Variants in SPOCK3 observed in about 807,000 individuals in gnomAD.
SPOCK3 encodes the protein testican-3.
In SPOCK3, 30 loss-of-function variants were observed where a neutral mutation model predicts 56.6. The observed-to-expected ratio is 0.53, with a 90% confidence interval of 0.40 to 0.72. SPOCK3 has a LOEUF of 0.72. Among genes scored for constraint, SPOCK3 ranks in the 30% least tolerant of loss-of-function variants. The probability of loss-of-function intolerance (pLI) is 0.00; values close to 1 mark genes in which losing one functional copy is unlikely to be tolerated. For synonymous variants in SPOCK3, 196 were observed against 183.3 expected (o/e 1.07, Z -0.56); for missense variants, 527 against 530.0 (o/e 0.99, Z 0.06).
chr4:166,812,353 C>T (rs991024271), intron 6 of SPOCK3, among the ~76,000 whole-genome samples: 5 of 151,716 alleles, frequency 3.3e-5, no homozygotes, highest in South Asian at 2.1e-4. Flanking sequence ...AAACTATAAT[C>T]GGGCTTATAT....
intron 2 of SPOCK3, among the ~76,000 whole-genome samples, chr4:167,128,303 T>G (rs531491668): frequency 1.3e-5 from 2 of 152,314 alleles, no homozygotes; most frequent in South Asian, 4.1e-4. Flanking sequence ...GTTCTTTTAT[T>G]GCCAAACAAA....
chr4:166,879,025 A>G (rs193291274), intron 6 of SPOCK3, among the ~76,000 whole-genome samples: 34 of 152,304 alleles, frequency 2.2e-4, no homozygotes, highest in Admixed American at 1.6e-3. Context: ...ATGGCTATGG[A>G]TTTATGTTTA....
intron 2 of SPOCK3, among the ~76,000 whole-genome samples, chr4:167,178,897 T>C (rs972682275): frequency 7.9e-5 from 12 of 152,156 alleles, no homozygotes; most frequent in Non-Finnish European, 1.2e-4. Flanking sequence ...GAGAATTGTT[T>C]AATTGGTTTT....
At chr4:167,062,634 A>G in intron 2 of SPOCK3, 97 bp from the exon 3 acceptor site, 1 of 873,978 alleles carries the variant, frequency 1.1e-6, no homozygotes, top group Non-Finnish European at 1.8e-6. Flanking sequence ...CAGAAGCTGT[A>G]TACAAACCTC....
intron 10 of SPOCK3, among the ~76,000 whole-genome samples, chr4:166,735,398 G>T (rs1451859060): frequency 3.3e-5 from 5 of 151,942 alleles, no homozygotes; most frequent in South Asian, 2.1e-4. Flanking sequence ...ATTTTGCAAA[G>T]AATTCAAAAT....
chr4:166,778,217 T>A (rs1739782651), intron 7 of SPOCK3, among the ~76,000 whole-genome samples: 1 of 152,216 alleles, frequency 6.6e-6, no homozygotes, highest in South Asian at 2.1e-4. Flanking sequence ...TCCTGATTAT[T>A]TATGTTATTG....
chr4:167,058,994 A>G (rs1354382879), intron 3 of SPOCK3, among the ~76,000 whole-genome samples: 2 of 152,100 alleles, frequency 1.3e-5, no homozygotes, highest in Non-Finnish European at 2.9e-5. Flanking sequence ...TTATACAAAA[A>G]TCAATTCAAG....
chr4:166,754,251 G>T (rs993041661), intron 8 of SPOCK3: 2 of 1,148,780 alleles, frequency 1.7e-6, no homozygotes, highest in Non-Finnish European at 2.1e-6. Flanking sequence ...CTTCTTGGTG[G>T]CTCATAATGG....
At chr4:166,846,142 T>C (rs894284659) in intron 6 of SPOCK3, among the ~76,000 whole-genome samples, 1 of 152,166 alleles carries the variant, frequency 6.6e-6, no homozygotes, top group East Asian at 1.9e-4. Flanking sequence ...TATGAGACCA[T>C]CTTTATATAT....
At chr4:167,047,113 G>A (rs1753806300) in intron 3 of SPOCK3, among the ~76,000 whole-genome samples, 1 of 152,108 alleles carries the variant, frequency 6.6e-6, no homozygotes, top group Admixed American at 6.6e-5. Flanking sequence ...TCTAAGGCAG[G>A]CATTTCTGAA....
intron 4 of SPOCK3, among the ~76,000 whole-genome samples, chr4:166,913,432 G>A (rs1737491149): frequency 6.6e-6 from 1 of 152,072 alleles, no homozygotes. Flanking sequence ...TTTACACAGA[G>A]TCAGGAAAAT....
At chr4:166,925,298 C>T (rs1738959122) in intron 4 of SPOCK3, among the ~76,000 whole-genome samples, 2 of 152,028 alleles carry the variant, frequency 1.3e-5, no homozygotes, top group South Asian at 4.1e-4. Context: ...TCAGGTCCTA[C>T]ATAAAAAGAC....
chr4:167,098,958 T>C (rs1447331765), intron 2 of SPOCK3, among the ~76,000 whole-genome samples: 5 of 152,092 alleles, frequency 3.3e-5, no homozygotes, highest in Admixed American at 6.6e-5. Flanking sequence ...TGCTTATTTA[T>C]CTTATGAATT....
chr4:167,162,905 C>T (rs1765440717), intron 2 of SPOCK3, among the ~76,000 whole-genome samples: 1 of 151,844 alleles, frequency 6.6e-6, no homozygotes, highest in Non-Finnish European at 1.5e-5. Flanking sequence ...GAAGAGATTA[C>T]AGGTGAACTC....
intron 4 of SPOCK3, among the ~76,000 whole-genome samples, chr4:166,995,727 A>G (rs1748298746): frequency 6.6e-6 from 1 of 152,086 alleles, no homozygotes; most frequent in African/African-American, 2.4e-5. Context: ...AATCAATTTA[A>G]GGCATTTAGG....
chr4:167,080,875 TTTC>T (rs1757639893), intron 2 of SPOCK3, among the ~76,000 whole-genome samples: 1 of 149,168 alleles, frequency 6.7e-6, no homozygotes, highest in African/African-American at 2.5e-5. Context: ...ATTCTCTTTC[TTTC>T]TTTTTTTTTT....
intron 7 of SPOCK3, among the ~76,000 whole-genome samples, chr4:166,773,602 T>C (rs6844855): frequency 0.33 from 49,981 of 151,962 alleles, 8,417 homozygotes; most frequent in Admixed American, 0.42. Flanking sequence ...AGTCTTCTTC[T>C]TATGTTCTTT....
intron 6 of SPOCK3, among the ~76,000 whole-genome samples, chr4:166,878,387 A>G (rs1296756788): frequency 6.6e-6 from 1 of 152,116 alleles, no homozygotes; most frequent in Non-Finnish European, 1.5e-5. Flanking sequence ...ATATTTCATG[A>G]AAATTTGGCT....
chr4:167,064,806 G>A lies in SPOCK3; in HGVS notation c.190-2269C>T, dbSNP rs534352468. Among the ~76,000 whole-genome samples, 3 of 151,764 alleles carry A rather than the reference G, an allele frequency of 2.0e-5. No homozygotes were observed. In the South Asian group the frequency reaches 6.2e-4, roughly 32 times the overall value. On this transcript the variant is annotated intron_variant, in intron 2 of 10. Transcript: ENST00000357545. ...AAATAATATCTACCTATTTGAGGGGGAGATATTGGGATTAGTTATCAAATG... is the reference window on the plus strand; with the variant it reads ...AAATAATATCTACCTATTTGAGGGGAAGATATTGGGATTAGTTATCAAATG...
Sources: gnomAD v4.1 joint callset for allele counts (sites outside exome capture counted in the v4.1 genomes callset) on GRCh38, gnomAD v4.1.1 for gene constraint, MANE v1.5 for transcripts, NCBI Gene and HGNC (gene_info 2026-07-23, HGNC 2026-07-21) for gene names.